Variants in CEP63 observed in about 807,000 individuals in gnomAD.
CEP63 encodes the protein centrosomal protein of 63 kDa.
A neutral mutation model predicts 89.1 loss-of-function variants in CEP63; 84 were observed. That is an observed-to-expected ratio of 0.94 (90% CI 0.79 to 1.13). The LOEUF is 1.13. Among genes scored for constraint, CEP63 ranks in the 50% most tolerant of loss-of-function variants. The pLI, the probability that CEP63 is intolerant of heterozygous loss-of-function variation, is 0.00. For synonymous variants in CEP63, 267 were observed against 272.5 expected, an observed-to-expected ratio of 0.98 and a Z score of 0.20; for missense variants, 838 against 813.3, an observed-to-expected ratio of 1.03 and a Z score of -0.37.
At chr3:134,539,815 A>C (rs1323232236) in intron 6 of CEP63, among the ~76,000 whole-genome samples, 3 of 152,228 alleles carry the variant, frequency 2.0e-5, no homozygotes, top group Non-Finnish European at 2.9e-5. Context: ...ATCAGCTATT[A>C]AAATTACATA....
At chr3:134,618,831 C>G in the CEP63 span, among the ~76,000 whole-genome samples, 1 of 152,206 alleles carries the variant, frequency 6.6e-6, no homozygotes, top group Admixed American at 6.5e-5. Flanking sequence ...TCCTCCCGCT[C>G]CCAGGCCTGC....
chr3:134,665,172 G>A, the CEP63 span, among the ~76,000 whole-genome samples: 2 of 151,712 alleles, frequency 1.3e-5, no homozygotes, highest in African/African-American at 4.8e-5. Context: ...GAAGGGGATT[G>A]GGCTGGGGGA....
At chr3:134,647,545 G>T in the CEP63 span, 1 of 1,189,420 alleles carries the variant, frequency 8.4e-7, no homozygotes, top group Non-Finnish European at 1.2e-6. Flanking sequence ...GGGCAAAAGA[G>T]TGATGTACCA....
chr3:134,721,486 G>A, the CEP63 span, among the ~76,000 whole-genome samples: 115,768 of 151,854 alleles, frequency 0.76, 44,647 homozygotes, highest in Non-Finnish European at 0.81. Context: ...GGCCCTTACT[G>A]GAGCCTCCAG....
the CEP63 span, among the ~76,000 whole-genome samples, chr3:134,752,409 A>C: frequency 6.6e-6 from 1 of 152,134 alleles, no homozygotes; most frequent in Non-Finnish European, 1.5e-5. Flanking sequence ...CCTCCCTGTC[A>C]AGGAGAGGGA....
the CEP63 span, among the ~76,000 whole-genome samples, chr3:134,593,236 A>G: frequency 6.6e-6 from 1 of 152,236 alleles, no homozygotes; most frequent in East Asian, 1.9e-4. Flanking sequence ...TTAGGGAACA[A>G]TACATCAGTG....
chr3:134,750,345 G>A, the CEP63 span, among the ~76,000 whole-genome samples: 1 of 152,136 alleles, frequency 6.6e-6, no homozygotes, highest in African/African-American at 2.4e-5. Context: ...TAAAGGAGTG[G>A]CCCCATAGAA....
intron 6 of CEP63, among the ~76,000 whole-genome samples, chr3:134,542,535 G>A (rs981467335): frequency 6.6e-6 from 1 of 152,178 alleles, no homozygotes; most frequent in African/African-American, 2.4e-5. Context: ...AGCTTGGTAA[G>A]GGATTGATGC....
the CEP63 span, among the ~76,000 whole-genome samples, chr3:134,750,173 G>A: frequency 2.0e-5 from 3 of 152,164 alleles, no homozygotes; most frequent in Admixed American, 2.0e-4. Context: ...AGCTCTTCGG[G>A]GTTCCTTCAG....
the CEP63 span, chr3:134,629,522 T>C: frequency 2.3e-6 from 2 of 883,018 alleles, no homozygotes; most frequent in Admixed American, 4.2e-5. Context: ...GTCACTCTTC[T>C]CCTTCCCTCA....
At chr3:134,505,473 G>C (rs1266588966) in intron 2 of CEP63, among the ~76,000 whole-genome samples, 1 of 152,210 alleles carries the variant, frequency 6.6e-6, no homozygotes. Context: ...ACACCAGGCA[G>C]ACTGGTCATC....
the CEP63 span, among the ~76,000 whole-genome samples, chr3:134,600,021 A>G: frequency 6.6e-6 from 1 of 152,270 alleles, no homozygotes; most frequent in Non-Finnish European, 1.5e-5. Flanking sequence ...CTCAATGCAC[A>G]CATTATGAGA....
the CEP63 span, among the ~76,000 whole-genome samples, chr3:134,712,952 A>G: frequency 6.6e-6 from 1 of 152,238 alleles, no homozygotes; most frequent in Admixed American, 6.5e-5. Context: ...GGACTGTTCC[A>G]GGCCAGAGCA....
chr3:134,526,157 G>T (rs1559942593), intron 3 of CEP63, among the ~76,000 whole-genome samples: 1 of 151,574 alleles, frequency 6.6e-6, no homozygotes, highest in Non-Finnish European at 1.5e-5. Flanking sequence ...CTCTATTCTT[G>T]CCTGTCTTAT....
the CEP63 span, among the ~76,000 whole-genome samples, chr3:134,703,541 C>T: frequency 2.1e-3 from 322 of 152,072 alleles, no homozygotes; most frequent in East Asian, 0.028. Context: ...AACCAAATAC[C>T]GTATGTTCTC....
At chr3:134,523,940 G>T (rs1267732262) in intron 3 of CEP63, among the ~76,000 whole-genome samples, 1 of 152,054 alleles carries the variant, frequency 6.6e-6, no homozygotes. Context: ...TCATTTGGTA[G>T]TTTAATAGGA....
chr3:134,496,431 A>AGCG (rs1939998747), intron 2 of CEP63, among the ~76,000 whole-genome samples: 1 of 145,378 alleles, frequency 6.9e-6, no homozygotes, highest in East Asian at 2.0e-4. Flanking sequence ...TAGAAAAAAA[A>AGCG]GGGGGGGGGG....
the CEP63 span, among the ~76,000 whole-genome samples, chr3:134,727,786 CAG>C: frequency 6.6e-6 from 1 of 152,102 alleles, no homozygotes; most frequent in Non-Finnish European, 1.5e-5. Context: ...AGGGAAGAAA[CAG>C]ATAAACAGAT....
At chr3:134,513,803 T>C (rs1945565424) in intron 3 of CEP63, among the ~76,000 whole-genome samples, 1 of 152,154 alleles carries the variant, frequency 6.6e-6, no homozygotes, top group Non-Finnish European at 1.5e-5. Flanking sequence ...GAAATCAGTT[T>C]TAAGTTAAAC....
Sources: allele counts gnomAD v4.1 joint callset (sites outside exome capture counted in the v4.1 genomes callset), GRCh38; gene constraint gnomAD v4.1.1; transcripts MANE v1.5; gene names NCBI Gene and HGNC (gene_info 2026-07-23, HGNC 2026-07-21).